Variants in DTNB observed in about 807,000 individuals in gnomAD.
The protein encoded by DTNB is dystrobrevin beta.
In DTNB, 63 loss-of-function variants were observed where a neutral mutation model predicts 90.7. The ratio of observed to expected loss-of-function variants is 0.69; its 90% CI spans 0.57 to 0.86. The LOEUF (loss-of-function observed/expected upper bound fraction) is 0.86, where lower values mean the gene tolerates loss of function less well. Among genes scored for constraint, DTNB ranks in the 40% least tolerant of loss-of-function variants. The probability of loss-of-function intolerance (pLI) is 0.00; values close to 1 mark genes in which losing one functional copy is unlikely to be tolerated. For missense variants in DTNB, 744 were observed against 807.1 expected (o/e 0.92, Z 0.95); for synonymous variants, 277 against 286.7 (o/e 0.97, Z 0.34).
chr2:25,652,482 G>C, intron 2 of DTNB, 112 bp downstream of exon 2: 3 of 1,107,492 alleles, frequency 2.7e-6, no homozygotes, highest in Non-Finnish European at 3.7e-6. Context: ...TCTTCCCTCT[G>C]CAAAGCTTAT....
intron 19 of DTNB, 137 bp from the exon 20 acceptor site, chr2:25,379,460 T>A (rs1373443867): frequency 8.8e-7 from 1 of 1,141,500 alleles, no homozygotes; most frequent in Admixed American, 4.2e-5. Flanking sequence ...TTTGTTGACT[T>A]TTCCCACCCA....
At chr2:25,549,772 C>G (rs1226031193) in intron 8 of DTNB, among the ~76,000 whole-genome samples, 1 of 151,884 alleles carries the variant, frequency 6.6e-6, no homozygotes, top group Non-Finnish European at 1.5e-5. Flanking sequence ...GCAATCCTCC[C>G]ACCTCAGCCT....
intron 6 of DTNB, among the ~76,000 whole-genome samples, chr2:25,586,927 T>C (rs551287073): frequency 4.5e-4 from 69 of 152,254 alleles, no homozygotes; most frequent in African/African-American, 1.5e-3. Context: ...ACCCATCAGA[T>C]TGGCAAAAAT....
At chr2:25,643,425 A>C (rs2148868129) in intron 2 of DTNB, among the ~76,000 whole-genome samples, 1 of 152,366 alleles carries the variant, frequency 6.6e-6, no homozygotes, top group South Asian at 2.1e-4. Context: ...GCTAACTAGA[A>C]CACAATAAAA....
chr2:25,430,831 G>A (rs1399380582), intron 14 of DTNB, among the ~76,000 whole-genome samples: 2 of 152,056 alleles, frequency 1.3e-5, no homozygotes, highest in African/African-American at 4.8e-5. Flanking sequence ...TGACTATTAC[G>A]CTTCATATAC....
At chr2:25,540,555 A>G (rs2080968144) in intron 8 of DTNB, among the ~76,000 whole-genome samples, 1 of 152,102 alleles carries the variant, frequency 6.6e-6, no homozygotes, top group African/African-American at 2.4e-5. Flanking sequence ...TTAAAAATGT[A>G]CAGTTCAGGG....
intron 16 of DTNB, among the ~76,000 whole-genome samples, chr2:25,409,245 T>A (rs2046020596): frequency 6.6e-6 from 1 of 152,014 alleles, no homozygotes; most frequent in African/African-American, 2.4e-5. Context: ...ATTCATTCAT[T>A]CATTCATTCA....
At chr2:25,554,024 T>C (rs2056852834) in intron 8 of DTNB, among the ~76,000 whole-genome samples, 1 of 152,124 alleles carries the variant, frequency 6.6e-6, no homozygotes, top group Non-Finnish European at 1.5e-5. Context: ...TGATAGCCAA[T>C]ATAAATTTAT....
chr2:25,649,981 T>C, intron 2 of DTNB: 3 of 980,148 alleles, frequency 3.1e-6, no homozygotes, highest in Non-Finnish European at 3.6e-6. Context: ...ATGCAATTCT[T>C]CCTGTGAAGA....
At position 25,396,064 on chromosome 2, in the gene DTNB, C is replaced by G. The variant is rs190942922; in HGVS notation, c.1576-7703G>C. Among the ~76,000 whole-genome samples, 3 of 152,240 alleles carry G rather than the reference C, an allele frequency of 2.0e-5. No individual in the cohort carries two copies. The East Asian group carries it at 5.8e-4, about 29-fold the overall frequency. ...GTGGATAAAGAAAATGTGGTAAATG[C>G]ATACCATGGAATACTATTCAGTCAT... On this transcript the variant is annotated intron_variant, in intron 16 of 20. Transcript: ENST00000406818.
chr2:25,620,449 G>A (rs910821168), intron 4 of DTNB, among the ~76,000 whole-genome samples: 1 of 152,026 alleles, frequency 6.6e-6, no homozygotes, highest in Non-Finnish European at 1.5e-5. Flanking sequence ...GAAAACAAAG[G>A]CAAGGAAAAA....
chr2:25,633,693 G>A (rs999794262), intron 3 of DTNB, among the ~76,000 whole-genome samples: 5 of 151,304 alleles, frequency 3.3e-5, no homozygotes, highest in African/African-American at 4.9e-5. Context: ...GTCTCTGCCC[G>A]GCCGCTATCC....
chr2:25,494,918 A>G (rs1453064972), intron 9 of DTNB, among the ~76,000 whole-genome samples: 1 of 152,148 alleles, frequency 6.6e-6, no homozygotes, highest in Non-Finnish European at 1.5e-5. Context: ...GAAAAAAAAA[A>G]AAGGGAGGCT....
Position 25,424,768 on chromosome 2 carries a change from A to T in DTNB, c.1554+2767T>A, listed in dbSNP as rs1395982424. ...CTGCAGCCTCCACCTCCTGGGCTTA[A>T]GCGATCCTCCCACCTCAGCCTCCTG... On this transcript the variant is annotated intron_variant, in intron 15 of 20. Transcript: ENST00000406818. The surrounding 1 kb of genome is among the most constrained non-coding windows in gnomAD (Gnocchi z 4.1). Among the ~76,000 whole-genome samples, 1 of 151,828 alleles carries T rather than the reference A, an allele frequency of 6.6e-6. No homozygotes were observed. Among genetic ancestry groups the T allele is most frequent in the Non-Finnish European group, 1.5e-5 (1 of 67,964 alleles).
At chr2:25,634,171 G>A (rs1255752900) in intron 3 of DTNB, among the ~76,000 whole-genome samples, 8 of 146,554 alleles carry the variant, frequency 5.5e-5, no homozygotes, top group Admixed American at 4.7e-4. Flanking sequence ...GCCTCTGCCC[G>A]GCCGCCCCTA....
chr2:25,639,859 G>C (rs1259992647), intron 2 of DTNB, among the ~76,000 whole-genome samples: 1 of 152,226 alleles, frequency 6.6e-6, no homozygotes. Flanking sequence ...GCCATACCGT[G>C]AGAAAGCCCA....
chr2:25,406,377 CA>C (rs1289108580), intron 16 of DTNB, among the ~76,000 whole-genome samples: 2 of 151,372 alleles, frequency 1.3e-5, no homozygotes. Flanking sequence ...ACTAAAAATA[CA>C]AAAAAAATTA....
intron 16 of DTNB, 104 bp downstream of exon 16, chr2:25,419,411 C>T (rs1224328436): frequency 6.5e-7 from 1 of 1,530,508 alleles, no homozygotes; most frequent in Non-Finnish European, 8.9e-7. Context: ...ATAAAACCCT[C>T]TTCAGAGATG....
chr2:25,567,829 A>C (rs2059261147), intron 8 of DTNB, among the ~76,000 whole-genome samples: 1 of 152,200 alleles, frequency 6.6e-6, no homozygotes, highest in Non-Finnish European at 1.5e-5. Flanking sequence ...GCAGAGAAGG[A>C]GGCATATTTG....
Sources: gnomAD v4.1 joint callset for allele counts (sites outside exome capture counted in the v4.1 genomes callset) on GRCh38, gnomAD v4.1.1 for gene constraint, Gnocchi (gnomAD v3.1) non-coding constraint, MANE v1.5 for transcripts, NCBI Gene and HGNC (gene_info 2026-07-23, HGNC 2026-07-21) for gene names.